Variants in GPR160 observed in about 807,000 individuals in gnomAD.
GPR160 encodes probable G protein-coupled receptor 160.
A neutral mutation model predicts 2.6 loss-of-function variants in GPR160; 2 were observed. The ratio of observed to expected loss-of-function variants is 0.77; its 90% CI spans 0.32 to 2.44. The LOEUF (loss-of-function observed/expected upper bound fraction) is 2.44. Ranked by LOEUF, GPR160 falls within the 30% of genes most tolerant of loss-of-function variation. The probability of loss-of-function intolerance (pLI) is 0.11; values close to 1 mark genes in which losing one functional copy is unlikely to be tolerated. For missense variants in GPR160, 351 were observed against 383.6 expected (o/e 0.91, Z 0.71); for synonymous variants, 130 against 132.2 (o/e 0.98, Z 0.12).
intron 2 of GPR160, among the ~76,000 whole-genome samples, chr3:170,076,550 T>G: frequency 6.6e-6 from 1 of 151,110 alleles, no homozygotes; most frequent in Non-Finnish European, 1.5e-5. Context: ...TAATTATTAT[T>G]TTTTTTTTGA....
chr3:170,055,302 A>T (rs1295747826), intron 2 of GPR160, among the ~76,000 whole-genome samples: 1 of 152,140 alleles, frequency 6.6e-6, no homozygotes, highest in African/African-American at 2.4e-5. Context: ...CTGACATCAC[A>T]CCTGACAATG....
At chr3:170,061,322 C>T (rs1372391898) in intron 2 of GPR160, among the ~76,000 whole-genome samples, 1 of 150,572 alleles carries the variant, frequency 6.6e-6, no homozygotes, top group Non-Finnish European at 1.5e-5. Flanking sequence ...AACAAATTAT[C>T]CAAAATTAAA....
intron 2 of GPR160, among the ~76,000 whole-genome samples, chr3:170,079,112 C>T (rs747872644): frequency 6.6e-6 from 1 of 152,218 alleles, no homozygotes; most frequent in East Asian, 1.9e-4. Context: ...TGTGTTTGCT[C>T]CAGGCTTTCG....
intron 2 of GPR160, among the ~76,000 whole-genome samples, chr3:170,066,385 C>T (rs531703279): frequency 8.7e-4 from 132 of 151,982 alleles, no homozygotes; most frequent in African/African-American, 3.0e-3. Flanking sequence ...ATGATTCGCC[C>T]GCCTCGGCCT....
intron 2 of GPR160, among the ~76,000 whole-genome samples, chr3:170,041,576 G>A (rs1716454891): frequency 6.6e-6 from 1 of 152,182 alleles, no homozygotes; most frequent in African/African-American, 2.4e-5. Context: ...CATCGCGCCC[G>A]GCCGTAAAGA....
At chr3:170,083,845 C>A in intron 3 of GPR160, 60 bp from the exon 4 acceptor site, 1 of 479,386 alleles carries the variant, frequency 2.1e-6, no homozygotes, top group Non-Finnish European at 3.7e-6. Context: ...AATAGTGGTG[C>A]TTGCTTTGTA....
chr3:170,050,709 A>C (rs908270636), intron 2 of GPR160, among the ~76,000 whole-genome samples: 7 of 152,182 alleles, frequency 4.6e-5, no homozygotes, highest in Admixed American at 4.6e-4. Context: ...TGGGATATGT[A>C]GTTTTATGTG....
At chr3:170,043,071 C>T (rs1716533294) in intron 2 of GPR160, among the ~76,000 whole-genome samples, 1 of 151,700 alleles carries the variant, frequency 6.6e-6, no homozygotes, top group African/African-American at 2.4e-5. Flanking sequence ...TTAGTAGAGA[C>T]GGGGTTTCGC....
chr3:170,054,714 A>G (rs1427706610), intron 2 of GPR160, among the ~76,000 whole-genome samples: 2 of 151,486 alleles, frequency 1.3e-5, no homozygotes, highest in Non-Finnish European at 2.9e-5. Flanking sequence ...ATCATATGAT[A>G]TTTGTCATCT....
Position 170,085,078 on chromosome 3 carries a change from A to G in GPR160, c.*89A>G. 3.0e-6 allele frequency: 2 copies of G among 674,766 alleles called. No homozygotes were observed. Among genetic ancestry groups the G allele is most frequent in the Non-Finnish European group, 4.6e-6 (2 of 435,384 alleles). 41.8% of individuals were successfully genotyped at this position (674,766 alleles called of 1,614,324 possible). ...ACATATTAAAAAATAAACTGAACTA[A>G]AACAACTTTTGCCCCCTGACTGATA... On this transcript the variant is annotated 3_prime_UTR_variant, in exon 4 of 4. Transcript: ENST00000355897.
rs76673953 is a variant in GPR160, at chr3:170,043,955, C to T, written c.-193+4912C>T. On this transcript the variant is annotated intron_variant, in intron 2 of 3. Transcript: ENST00000355897. ...AGCAACCCCTAAAATAGTCCCCAGC[C>T]CTGAGATTGTACTTTTTTTTTTTTT... 5.3e-3 allele frequency among the ~76,000 whole-genome samples: 795 copies of T among 150,770 alleles called. 9 individuals carry two copies. Among genetic ancestry groups the T allele is most frequent in the African/African-American group, 0.018 (752 of 40,804 alleles).
At chr3:170,053,590 TC>T (rs1717052255) in intron 2 of GPR160, among the ~76,000 whole-genome samples, 1 of 152,198 alleles carries the variant, frequency 6.6e-6, no homozygotes, top group African/African-American at 2.4e-5. Context: ...TCTTTTATTT[TC>T]TCGCCTTACT....
chr3:170,049,374 G>T (rs576931717), intron 2 of GPR160, among the ~76,000 whole-genome samples: 18 of 152,296 alleles, frequency 1.2e-4, no homozygotes, highest in Admixed American at 8.5e-4. Flanking sequence ...TTCTTTTGGG[G>T]ACTGGGGAGG....
chr3:170,073,881 ATTTTTTTTT>A (rs35575462), intron 2 of GPR160, among the ~76,000 whole-genome samples: 1 of 81,880 alleles, frequency 1.2e-5, no homozygotes, highest in Non-Finnish European at 2.3e-5. Context: ...TTTAATAGGG[ATTTTTTTTT>A]TTTTTTTTTT....
At chr3:170,067,543 C>A (rs919322668) in intron 2 of GPR160, among the ~76,000 whole-genome samples, 2 of 152,026 alleles carry the variant, frequency 1.3e-5, no homozygotes, top group Non-Finnish European at 2.9e-5. Context: ...TCCAGTGTTT[C>A]CAAAAAGCCT....
In GPR160 at chr3:170,062,354, C is replaced by T. The variant is rs1205552064; in HGVS notation, c.-192-17420C>T. 7 of 297,644 alleles carry T rather than the reference C, an allele frequency of 2.4e-5. No individual in the cohort carries two copies. The East Asian group carries it at 5.0e-4, about 21-fold the overall frequency. The allele number at this position is 297,644 out of a possible 1,614,324, so 18.4% of individuals were successfully genotyped here. ...GGGGTCCAGGGAGGCGCTGCACCGA[C>T]GTTGGGGAGAATGTATGTCCTGGCA... On this transcript the variant is annotated intron_variant, in intron 2 of 3. Coordinates refer to ENST00000355897, the MANE Select transcript of GPR160 (RefSeq NM_014373.3).
intron 3 of GPR160, 132 bp from the exon 4 acceptor site, chr3:170,083,771 TTA>T: frequency 2.5e-6 from 1 of 406,692 alleles, no homozygotes; most frequent in Non-Finnish European, 4.3e-6. Flanking sequence ...CTATTAAGTA[TTA>T]TGTGACATAT....
intron 2 of GPR160, among the ~76,000 whole-genome samples, chr3:170,061,165 C>T (rs1231190337): frequency 6.6e-6 from 1 of 151,720 alleles, no homozygotes; most frequent in Non-Finnish European, 1.5e-5. Flanking sequence ...ATCCCAGCTA[C>T]TCGGGAGGCT....
chr3:170,083,207 T>A (rs1238487097), intron 3 of GPR160, among the ~76,000 whole-genome samples: 1 of 152,090 alleles, frequency 6.6e-6, no homozygotes, highest in Non-Finnish European at 1.5e-5. Flanking sequence ...CCTATTCCTT[T>A]GCCTTTACCT....
Sources: allele counts gnomAD v4.1 joint callset (sites outside exome capture counted in the v4.1 genomes callset), GRCh38; gene constraint gnomAD v4.1.1; transcripts MANE v1.5; gene names NCBI Gene and HGNC (gene_info 2026-07-23, HGNC 2026-07-21).